ANAPC10: variants seen among roughly 807,000 people sequenced by gnomAD.
The protein encoded by ANAPC10 is anaphase-promoting complex subunit 10.
Under a neutral mutation model 22.0 loss-of-function variants are expected in ANAPC10, and 12 were observed. The ratio of observed to expected loss-of-function variants is 0.55; its 90% CI spans 0.35 to 0.88. The LOEUF (loss-of-function observed/expected upper bound fraction) is 0.88. ANAPC10 is among the 40% of genes least tolerant of loss of function. The pLI is 0.01. For synonymous variants in ANAPC10, 65 were observed against 69.5 expected, an observed-to-expected ratio of 0.94 and a Z score of 0.32; for missense variants, 188 against 220.9, an observed-to-expected ratio of 0.85 and a Z score of 0.94.
intron 4 of ANAPC10, among the ~76,000 whole-genome samples, chr4:145,018,405 G>A (rs377323874): frequency 7.9e-5 from 12 of 151,942 alleles, no homozygotes; most frequent in East Asian, 5.8e-4. Flanking sequence ...AGGCTCAGGC[G>A]GGCAGATTAC....
intron 3 of ANAPC10, 37 bp from the exon 4 acceptor site, chr4:145,064,729 C>T (rs2126470825): frequency 1.4e-6 from 2 of 1,461,094 alleles, no homozygotes; most frequent in South Asian, 1.5e-5. Flanking sequence ...TGCACTTCAT[C>T]ATATGAAAAG....
intron 2 of ANAPC10, among the ~76,000 whole-genome samples, chr4:145,086,816 A>C (rs1746970317): frequency 6.6e-6 from 1 of 151,382 alleles, no homozygotes; most frequent in Non-Finnish European, 1.5e-5. Context: ...ATATCTCCAG[A>C]CTTTGTACCC....
intron 2 of ANAPC10, among the ~76,000 whole-genome samples, chr4:145,085,628 A>G (rs991998531): frequency 6.6e-6 from 1 of 152,206 alleles, no homozygotes; most frequent in African/African-American, 2.4e-5. Flanking sequence ...CTGATCATTT[A>G]AAATTTGTCT....
chr4:145,024,228 A>G (rs1349120942), intron 4 of ANAPC10, among the ~76,000 whole-genome samples: 3 of 152,058 alleles, frequency 2.0e-5, no homozygotes, highest in Non-Finnish European at 4.4e-5. Flanking sequence ...GAAGTCTTGA[A>G]CCTCTCAAAG....
intron 4 of ANAPC10, chr4:145,063,933 C>G (rs1743280830): frequency 6.6e-6 from 1 of 152,032 alleles, no homozygotes; most frequent in South Asian, 2.1e-4. Flanking sequence ...GATAAAAAAT[C>G]AATCAATCAA....
rs148416777 is a variant in ANAPC10 at position 145,049,483 on chromosome 4, T to C, written c.327+15089A>G. ...GAATGTTCACAGCACCTTCACACAC[T>C]AAAAACTACTTTCTTAGCTCATTTA... On this transcript the variant is annotated intron_variant, in intron 4 of 4. Coordinates refer to ENST00000507656, the MANE Select transcript of ANAPC10 (RefSeq NM_001256706.2). 3.9e-4 allele frequency among the ~76,000 whole-genome samples: 60 copies of C among 152,344 alleles called. No individual in the cohort carries two copies. The East Asian group carries it at 6.4e-3, about 16-fold the overall frequency.
chr4:145,094,447 T>C (rs965734774), intron 2 of ANAPC10, among the ~76,000 whole-genome samples: 11 of 152,180 alleles, frequency 7.2e-5, no homozygotes, highest in African/African-American at 2.4e-4. Flanking sequence ...CACAGAACTG[T>C]ACACCTAAAA....
intron 4 of ANAPC10, among the ~76,000 whole-genome samples, chr4:145,042,547 A>C (rs572349408): frequency 7.6e-4 from 115 of 152,314 alleles, no homozygotes; most frequent in African/African-American, 2.7e-3. Context: ...TCATTATTTT[A>C]TAGTATATAA....
intron 4 of ANAPC10, among the ~76,000 whole-genome samples, chr4:145,062,068 G>T (rs1403760267): frequency 8.0e-6 from 1 of 124,332 alleles, no homozygotes; most frequent in South Asian, 2.6e-4. Context: ...GTCAAAAAAA[G>T]AAAAAAAAAA....
intron 4 of ANAPC10, among the ~76,000 whole-genome samples, chr4:145,038,261 C>T (rs1333521501): frequency 6.6e-6 from 1 of 152,178 alleles, no homozygotes; most frequent in African/African-American, 2.4e-5. Flanking sequence ...GTCTATAATC[C>T]TCGCACTTTG....
At chr4:145,067,988 C>A (rs983818456) in intron 3 of ANAPC10, among the ~76,000 whole-genome samples, 26 of 152,112 alleles carry the variant, frequency 1.7e-4, no homozygotes, top group Non-Finnish European at 1.5e-5. Context: ...GGGATATGGA[C>A]ATGATAGGTG....
At chr4:145,082,528 CAA>C (rs1746227275) in intron 2 of ANAPC10, among the ~76,000 whole-genome samples, 1 of 152,136 alleles carries the variant, frequency 6.6e-6, no homozygotes, top group Non-Finnish European at 1.5e-5. Context: ...TGACTAAGCA[CAA>C]AATCCTCAAA....
intron 4 of ANAPC10, among the ~76,000 whole-genome samples, chr4:145,031,733 T>C (rs983858233): frequency 2.0e-5 from 3 of 152,206 alleles, no homozygotes; most frequent in East Asian, 1.9e-4. Context: ...CAGGCCCCCA[T>C]AGTGAATCAC....
At chr4:145,040,671 C>T (rs1440280471) in intron 4 of ANAPC10, among the ~76,000 whole-genome samples, 1 of 152,106 alleles carries the variant, frequency 6.6e-6, no homozygotes, top group Non-Finnish European at 1.5e-5. Flanking sequence ...CCTAGCTAGC[C>T]AGGATTTGAA....
In ANAPC10 at chr4:145,064,581, T is replaced by C. The variant is rs1489596795; in HGVS notation, c.318A>G (p.Gln106=). The change falls in exon 4 of 5, where the codon CAA becomes CAG. Residue 106 remains glutamine, a synonymous_variant. Coordinates refer to ENST00000507656, the MANE Select transcript of ANAPC10 (RefSeq NM_001256706.2). The stretch of plus-strand genomic sequence containing the variant: ...AATTTGAAAGACATACCCGAATTTC[T>C]TGAAGGTTGTGAAAATTATTTCCTA... ...VRVGNNFHNL[Q]EIRQLELVEP... is the part of the protein sequence containing the mutation. 1 of 1,604,714 alleles carries C rather than the reference T, an allele frequency of 6.2e-7. No homozygotes were observed. Among genetic ancestry groups the C allele is most frequent in the Non-Finnish European group, 8.5e-7 (1 of 1,176,048 alleles).
At chr4:145,051,600 T>C (rs1163030125) in intron 4 of ANAPC10, among the ~76,000 whole-genome samples, 1 of 152,182 alleles carries the variant, frequency 6.6e-6, no homozygotes, top group African/African-American at 2.4e-5. Context: ...TAGTACTTAG[T>C]ATACAATGAA....
chr4:145,052,614 C>T (rs982986562), intron 4 of ANAPC10, among the ~76,000 whole-genome samples: 7 of 151,798 alleles, frequency 4.6e-5, no homozygotes, highest in African/African-American at 7.3e-5. Context: ...AAAAAAATAT[C>T]GGGGGCTGGG....
At chr4:145,077,822 AATC>A (rs1346747240) in intron 3 of ANAPC10, among the ~76,000 whole-genome samples, 3 of 152,332 alleles carry the variant, frequency 2.0e-5, no homozygotes, top group Non-Finnish European at 2.9e-5. Context: ...AAAATTCAAC[AATC>A]ATCATGTTAA....
rs565095667 is a variant in ANAPC10, at chr4:145,034,420, CT to C, written c.327+30151del. Among the ~76,000 whole-genome samples, 14 of 151,664 alleles carry C rather than the reference CT, an allele frequency of 9.2e-5. No homozygotes were observed. The East Asian group carries it at 2.5e-3, about 27-fold the overall frequency. On this transcript the variant is annotated intron_variant, in intron 4 of 4. Transcript: ENST00000507656. The stretch of plus-strand genomic sequence containing the variant: ...GCCCTTGAACATCAGACTGCAAGTT[CT>C]TTAGTTTTGGGACTCTGACTGGCTC...
Sources: gnomAD v4.1 joint callset for allele counts (sites outside exome capture counted in the v4.1 genomes callset) on GRCh38, gnomAD v4.1.1 for gene constraint, MANE v1.5 for transcripts, NCBI Gene and HGNC (gene_info 2026-07-23, HGNC 2026-07-21) for gene names.